REV3L: variants seen among roughly 807,000 people sequenced by gnomAD.
The protein encoded by REV3L is DNA polymerase zeta catalytic subunit.
REV3L carries 69 observed loss-of-function variants against 299.4 expected under a neutral mutation model. That is an observed-to-expected ratio of 0.23 (90% CI 0.19 to 0.28). REV3L has a LOEUF of 0.28. Among genes scored for constraint, REV3L ranks in the 10% least tolerant of loss-of-function variants. The pLI, the probability that REV3L is intolerant of heterozygous loss-of-function variation, is 1.00. For synonymous variants in REV3L, 1,238 were observed against 1,271.4 expected, an observed-to-expected ratio of 0.97 and a Z score of 0.56; for missense variants, 3,128 against 3,693.8, an observed-to-expected ratio of 0.85 and a Z score of 3.97.
At chr6:111,463,827 A>T (rs56300817) in intron 1 of REV3L, among the ~76,000 whole-genome samples, 16,368 of 152,126 alleles carry the variant, frequency 0.11, 1,166 homozygotes, top group Middle Eastern at 0.21. Context: ...TTACTGTGTA[A>T]CTCTTTTCTC....
At chr6:111,460,470 T>C (rs1331301884) in intron 1 of REV3L, 1 of 151,776 alleles carries the variant, frequency 6.6e-6, no homozygotes, top group Non-Finnish European at 1.5e-5. Flanking sequence ...GTAAAAGCCA[T>C]ATAACAAACA....
Position 111,405,488 on chromosome 6 carries a change from G to T in REV3L, c.547C>A (p.Arg183=). 1 of 1,582,062 alleles carries T rather than the reference G, an allele frequency of 6.3e-7. No individual in the cohort carries two copies. The highest frequency in any genetic ancestry group is 8.6e-7 in the Non-Finnish European group (1 of 1,168,310). ...NLINLAAVKF[R]KARRKSNTLH... ...ACCTTACTTTTCCTTCTTGCTTTTC[G>T]GAACTTGACAGCAGCCAGATTTATT... Residue 183 remains arginine (R), a synonymous_variant, in exon 4 of 32, where the codon CGA becomes AGA. Coordinates refer to ENST00000368802, the MANE Select transcript of REV3L (RefSeq NM_001372078.1).
chr6:111,341,619 T>C (rs1776493106), intron 21 of REV3L, among the ~76,000 whole-genome samples: 1 of 152,146 alleles, frequency 6.6e-6, no homozygotes, highest in Non-Finnish European at 1.5e-5. Context: ...CACAGTGCAG[T>C]GTGCCACAGT....
chr6:111,338,925 T>C (rs767952302), intron 21 of REV3L, among the ~76,000 whole-genome samples: 4 of 152,122 alleles, frequency 2.6e-5, no homozygotes, highest in Admixed American at 6.5e-5. Flanking sequence ...TGGAGTGAGA[T>C]AGTCGTAGGT....
At chr6:111,414,967 A>G (rs1784601892) in intron 2 of REV3L, among the ~76,000 whole-genome samples, 1 of 152,102 alleles carries the variant, frequency 6.6e-6, no homozygotes, top group Non-Finnish European at 1.5e-5. Context: ...TCTTACCCAG[A>G]TTAATGTCCT....
chr6:111,303,874 C>T (rs1486029795), intron 31 of REV3L, among the ~76,000 whole-genome samples: 3 of 151,736 alleles, frequency 2.0e-5, no homozygotes, highest in Non-Finnish European at 4.4e-5. Flanking sequence ...GCTCATGCCA[C>T]CATGCCTGGC....
Position 111,367,636 on chromosome 6 carries a change from G to A in REV3L, c.6152C>T (p.Pro2051Leu). Residue 2051 changes from proline to leucine, a missense_variant, in exon 14 of 32, where the codon CCA becomes CTA. Physicochemically the swap from Pro to Leu is moderately conservative, Grantham distance 98. Coordinates refer to ENST00000368802, the MANE Select transcript of REV3L (RefSeq NM_001372078.1). ...VNPDDKPVVP[P>L]KMDVSPCILP... ...TATACATGGACTTACATCCATTTTT[G>A]GAGGCACTACAGGTTTGTCATCTGG... 1 of 1,614,128 alleles carries A rather than the reference G, an allele frequency of 6.2e-7. No individual in the cohort carries two copies. The highest frequency in any genetic ancestry group is 8.5e-7 in the Non-Finnish European group (1 of 1,180,014).
intron 21 of REV3L, among the ~76,000 whole-genome samples, chr6:111,341,294 C>T (rs1482155159): frequency 2.0e-5 from 3 of 152,232 alleles, no homozygotes; most frequent in Non-Finnish European, 2.9e-5. Flanking sequence ...GTGATCCGCC[C>T]GCCTCGGCAT....
Position 111,390,101 on chromosome 6 carries a change from G to A in REV3L, c.742C>T (p.Arg248Cys), listed in dbSNP as rs960308125. Residue 248 changes from arginine to cysteine, a missense_variant, in exon 6 of 32, where the codon CGT (arginine) becomes TGT (cysteine). This residue lies in a region of REV3L where 2,409 missense variants were observed against 2,611.8 expected (regional missense o/e 0.92). Coordinates refer to ENST00000368802, the MANE Select transcript of REV3L (RefSeq NM_001372078.1). ...GTGTATGAACCTTCAATGTCCAGAC[G>A]ATTTAAGATATCAGCAGCTACAGCA... is the stretch of plus-strand genomic sequence containing the variant. The part of the protein sequence containing the change: ...VDAVAADILN[R>C]LDIEAQIGGN... 3.7e-6 allele frequency: 6 copies of A among 1,603,698 alleles called. No individual in the cohort carries two copies. The highest frequency in any genetic ancestry group is 1.1e-5 in the South Asian group (1 of 90,810).
chr6:111,316,219 C>A, intron 26 of REV3L, among the ~76,000 whole-genome samples: 2 of 144,270 alleles, frequency 1.4e-5, no homozygotes. Context: ...GCTTAGGACT[C>A]CATCTAAAAA....
At chr6:111,448,999 T>C (rs960161722) in intron 1 of REV3L, among the ~76,000 whole-genome samples, 5 of 152,106 alleles carry the variant, frequency 3.3e-5, no homozygotes, top group African/African-American at 1.2e-4. Context: ...CTTGTGGTCT[T>C]TGCAAACAAA....
chr6:111,308,998 GTGCCCCGC>G (rs1187287561), intron 30 of REV3L, among the ~76,000 whole-genome samples: 5 of 152,238 alleles, frequency 3.3e-5, no homozygotes, highest in Non-Finnish European at 5.9e-5. Context: ...CGCTTCTTCA[GTGCCCCGC>G]TGCTCAAACC....
intron 31 of REV3L, among the ~76,000 whole-genome samples, chr6:111,301,205 C>CA (rs1170879089): frequency 6.6e-6 from 1 of 152,164 alleles, no homozygotes; most frequent in Non-Finnish European, 1.5e-5. Context: ...GAATTCTAGT[C>CA]AGACTGGTTG....
intron 4 of REV3L, among the ~76,000 whole-genome samples, chr6:111,394,566 TTACTC>T (rs1782277169): frequency 1.3e-5 from 2 of 152,196 alleles, no homozygotes; most frequent in Admixed American, 1.3e-4. Flanking sequence ...GGCTGTCTCT[TTACTC>T]TGTTGATTGT....
intron 28 of REV3L, 55 bp from the exon 29 acceptor site, chr6:111,311,314 C>G: frequency 7.3e-7 from 1 of 1,363,252 alleles, no homozygotes; most frequent in Non-Finnish European, 1.0e-6. Flanking sequence ...GTATGTTTCA[C>G]CATTGTTATT....
chr6:111,405,049 T>C (rs1210984431), intron 4 of REV3L, among the ~76,000 whole-genome samples: 1 of 152,080 alleles, frequency 6.6e-6, no homozygotes, highest in Non-Finnish European at 1.5e-5. Flanking sequence ...CAGGGATTTC[T>C]AGAATTGTGT....
chr6:111,300,260 T>C, intron 31 of REV3L, 104 bp from the exon 32 acceptor site: 2 of 834,066 alleles, frequency 2.4e-6, no homozygotes, highest in African/African-American at 3.5e-5. Flanking sequence ...CACAGATTAC[T>C]GGCAGACATA....
intron 18 of REV3L, chr6:111,353,700 GAA>G (rs1485811266): frequency 3.3e-5 from 5 of 152,186 alleles, no homozygotes; most frequent in Non-Finnish European, 7.3e-5. Flanking sequence ...ACAATGGCAT[GAA>G]TATCCAGAAA....
chr6:111,367,301 G>A lies in REV3L; in HGVS notation c.6487C>T (p.Pro2163Ser), dbSNP rs1351221441. ...PSLAFENFLK[P>S]IKDGIQKSPC... ...CTTTTTTGTATACCATCTTTTATTGGCTTTAAGAAGTTCTCAAAAGCCAAT... is the reference window on the plus strand; with the variant it reads ...CTTTTTTGTATACCATCTTTTATTGACTTTAAGAAGTTCTCAAAAGCCAAT... Residue 2163 changes from proline to serine, a missense_variant, in exon 14 of 32, where the codon CCA (proline) becomes TCA (serine). Pro to Ser is a moderately conservative substitution (Grantham distance 74). Coordinates refer to ENST00000368802, the MANE Select transcript of REV3L (RefSeq NM_001372078.1). The A allele has an allele frequency of 1.9e-6, 3 of 1,609,730 alleles. No individual in the cohort carries two copies. The highest frequency in any genetic ancestry group is 2.5e-6 in the Non-Finnish European group (3 of 1,178,828).
Sources: allele counts gnomAD v4.1 joint callset (sites outside exome capture counted in the v4.1 genomes callset), GRCh38; gene constraint gnomAD v4.1.1; regional missense constraint gnomAD v4.1.1; transcripts MANE v1.5; gene names NCBI Gene and HGNC (gene_info 2026-07-23, HGNC 2026-07-21).